The following DCUN1D5 variants were observed in gnomAD, a reference collection of about 807,000 sequenced individuals.
DCUN1D5 encodes defective in cullin neddylation 1 domain containing 5.
In DCUN1D5, 10 loss-of-function variants were observed where a neutral mutation model predicts 38.3. That is an observed-to-expected ratio of 0.26 (90% CI 0.16 to 0.44). DCUN1D5 has a LOEUF of 0.44. Among genes scored for constraint, DCUN1D5 ranks in the 20% least tolerant of loss-of-function variants. DCUN1D5 has a pLI of 1.00. For synonymous variants in DCUN1D5, 93 were observed against 90.9 expected (o/e 1.02, Z -0.13); for missense variants, 148 against 275.3 (o/e 0.54, Z 3.27).
At position 103,083,412 on chromosome 11, in the gene DCUN1D5, C is replaced by G; in HGVS notation, c.179-86G>C. 1 of 657,730 alleles carries G rather than the reference C, an allele frequency of 1.5e-6. No homozygotes were observed. Among genetic ancestry groups the G allele is most frequent in the Non-Finnish European group, 2.6e-6 (1 of 378,162 alleles). The allele number at this position is 657,730 out of a possible 1,614,324, so 40.7% of individuals were successfully genotyped here. ...CATGCTAAAGGTACCCATGAACACACCATAATATTTTGCAAATAATTAAAT... is the reference window on the plus strand; with the variant it reads ...CATGCTAAAGGTACCCATGAACACAGCATAATATTTTGCAAATAATTAAAT... On this transcript the variant is annotated intron_variant, in intron 2 of 7. Coordinates refer to ENST00000260247, the MANE Select transcript of DCUN1D5 (RefSeq NM_032299.4). The surrounding 1 kb of genome is among the most constrained non-coding windows in gnomAD (Gnocchi z 4.4).
rs1393018694 is a variant in DCUN1D5 at position 103,054,909 on chromosome 11, G to GA, written c.*7449dup. The stretch of plus-strand genomic sequence containing the variant: ...AGTAGATGGCAAACCTGTCACATAA[G>GA]AAACAACTGCATTCATTAATTGAGA... On this transcript the variant is annotated 3_prime_UTR_variant, in exon 8 of 8. Coordinates refer to ENST00000260247, the MANE Select transcript of DCUN1D5 (RefSeq NM_032299.4). 1 of 152,066 alleles carries GA rather than the reference G, an allele frequency of 6.6e-6. No homozygotes were observed. Among genetic ancestry groups the GA allele is most frequent in the East Asian group, 1.9e-4 (1 of 5,196 alleles). The allele number at this position is 152,066 out of a possible 1,614,324, so 9.4% of individuals were successfully genotyped here.
At position 103,071,560 on chromosome 11, in the gene DCUN1D5, TATATAG is replaced by T. The variant is rs1450353639; in HGVS notation, c.342-4999_342-4994del. Among the ~76,000 whole-genome samples, 3 of 149,776 alleles carry T rather than the reference TATATAG, an allele frequency of 2.0e-5. No homozygotes were observed. Among genetic ancestry groups the T allele is most frequent in the Middle Eastern group, 3.5e-3 (1 of 282 alleles). Reference sequence around the variant, plus strand: ...TATAGATATTTTATATCTATTGATTTATATAGATATAATCTATATCTATGTAAATAT... The same window carrying T: ...TATAGATATTTTATATCTATTGATTTATATAATCTATATCTATGTAAATAT... On this transcript the variant is annotated intron_variant, in intron 4 of 7. Transcript: ENST00000260247. This position sits in a 1 kb window ranked among gnomAD's most constrained non-coding sequence, Gnocchi z 4.1.
chr11:103,075,610 G>C (rs1862389363), intron 4 of DCUN1D5, among the ~76,000 whole-genome samples: 1 of 152,128 alleles, frequency 6.6e-6, no homozygotes, highest in African/African-American at 2.4e-5. Context: ...TCAAACTCTT[G>C]ACCTCATGAT....
Position 103,064,381 on chromosome 11 carries a change from C to T in DCUN1D5, c.556-4G>A, listed in dbSNP as rs1452557476. On this transcript the variant is annotated splice_polypyrimidine_tract_variant and splice_region_variant and intron_variant, in intron 6 of 7. Coordinates refer to ENST00000260247, the MANE Select transcript of DCUN1D5 (RefSeq NM_032299.4). This position sits in a 1 kb window ranked among gnomAD's most constrained non-coding sequence, Gnocchi z 4.5. ...TCATAACACGATACTTTGATTGCTG[C>T]AAAAATGATTTAAATATTTGTATTT... 6.4e-7 allele frequency: 1 copy of T among 1,573,208 alleles called. No homozygotes were observed. The highest frequency in any genetic ancestry group is 2.3e-5 in the East Asian group (1 of 44,000).
chr11:103,060,098 C>G lies in DCUN1D5; in HGVS notation c.*2261G>C, dbSNP rs1483503530. On this transcript the variant is annotated 3_prime_UTR_variant, in exon 8 of 8. Transcript: ENST00000260247. ...AACAAAGGAAAGACAGGAAGGGACA[C>G]AGCCCACACCCTGACTGATGAATTA... Among the ~76,000 whole-genome samples, 5 of 152,120 alleles carry G rather than the reference C, an allele frequency of 3.3e-5. No homozygotes were observed. Among genetic ancestry groups the G allele is most frequent in the Admixed American group, 2.0e-4 (3 of 15,270 alleles).
chr11:103,089,172 G>A lies in DCUN1D5; in HGVS notation c.178+55C>T, dbSNP rs559175327. The stretch of plus-strand genomic sequence containing the variant: ...ACAGATAATTTGTTAAATGAATAAG[G>A]CAAATAAACTTTTTAAAGCATATGA... On this transcript the variant is annotated intron_variant, in intron 2 of 7. Coordinates refer to ENST00000260247, the MANE Select transcript of DCUN1D5 (RefSeq NM_032299.4). 4.0e-5 allele frequency: 61 copies of A among 1,533,854 alleles called. No homozygotes were observed. In the South Asian group the frequency reaches 6.5e-4, roughly 16 times the overall value.
chr11:103,077,324 C>T lies in DCUN1D5; in HGVS notation c.341+5424G>A, dbSNP rs919882484. Among the ~76,000 whole-genome samples, 3 of 152,130 alleles carry T rather than the reference C, an allele frequency of 2.0e-5. No homozygotes were observed. The highest frequency in any genetic ancestry group is 4.4e-5 in the Non-Finnish European group (3 of 68,024). On this transcript the variant is annotated intron_variant, in intron 4 of 7. Coordinates refer to ENST00000260247, the MANE Select transcript of DCUN1D5 (RefSeq NM_032299.4). The surrounding 1 kb of genome is among the most constrained non-coding windows in gnomAD (Gnocchi z 4.3). ...ACTAACAGCAATACAATTTTTATAT[C>T]GAATCTAGCTCCAAAATACTAACAT...
At position 103,065,146 on chromosome 11, in the gene DCUN1D5, C is replaced by T. The variant is rs539438928; in HGVS notation, c.556-769G>A. On this transcript the variant is annotated intron_variant, in intron 6 of 7. Transcript: ENST00000260247. The surrounding 1 kb of genome is among the most constrained non-coding windows in gnomAD (Gnocchi z 4.6). Reference sequence around the variant, plus strand: ...TCATTCATGTAAGACCTTTTCATATCATTGTCTCTTTTTTTTTTTTTCTGA... The same window carrying T: ...TCATTCATGTAAGACCTTTTCATATTATTGTCTCTTTTTTTTTTTTTCTGA... 7.3e-5 allele frequency among the ~76,000 whole-genome samples: 11 copies of T among 151,066 alleles called. No individual in the cohort carries two copies. In the South Asian group the frequency reaches 1.7e-3, roughly 23 times the overall value.
At chr11:103,085,432 G>C (rs935983665) in intron 2 of DCUN1D5, among the ~76,000 whole-genome samples, 5 of 152,152 alleles carry the variant, frequency 3.3e-5, no homozygotes, top group Admixed American at 3.3e-4. Flanking sequence ...GCGAGACTCT[G>C]TCTCAAAAAA....
intron 4 of DCUN1D5, among the ~76,000 whole-genome samples, chr11:103,076,596 C>T (rs1222233967): frequency 6.6e-6 from 1 of 152,216 alleles, no homozygotes; most frequent in African/African-American, 2.4e-5. Flanking sequence ...CGTTTTCAGC[C>T]TGTTTCCTCA....
rs556614035 is a variant in DCUN1D5 at position 103,087,758 on chromosome 11, T to C, written c.178+1469A>G. Among the ~76,000 whole-genome samples, 5 of 152,362 alleles carry C rather than the reference T, an allele frequency of 3.3e-5. No individual in the cohort carries two copies. The highest frequency in any genetic ancestry group is 3.4e-3 in the Middle Eastern group (1 of 294). ...AATTCCTGGAATAATGCAATTATTA[T>C]GTTGGCTATTAAAAATGCTAATATA... is the stretch of plus-strand genomic sequence containing the variant. On this transcript the variant is annotated intron_variant, in intron 2 of 7. Transcript: ENST00000260247. This position sits in a 1 kb window ranked among gnomAD's most constrained non-coding sequence, Gnocchi z 4.1.
In DCUN1D5 at chr11:103,062,292, C is replaced by T. The variant is rs574924857; in HGVS notation, c.*67G>A. The T allele has an allele frequency of 2.7e-6, 4 of 1,462,544 alleles. No individual in the cohort carries two copies. Among genetic ancestry groups the T allele is most frequent in the Admixed American group, 1.8e-5 (1 of 55,826 alleles). The allele number at this position is 1,462,544 out of a possible 1,614,324, so 90.6% of individuals were successfully genotyped here. Reference sequence around the variant, plus strand: ...AAATGCACCCGTTGGATTTTTTTCCCCCTCATCACATTAGCTTGTATACAC... The same window carrying T: ...AAATGCACCCGTTGGATTTTTTTCCTCCTCATCACATTAGCTTGTATACAC... On this transcript the variant is annotated 3_prime_UTR_variant, in exon 8 of 8. Transcript: ENST00000260247. This position sits in a 1 kb window ranked among gnomAD's most constrained non-coding sequence, Gnocchi z 4.6.
chr11:103,087,859 T>G lies in DCUN1D5; in HGVS notation c.178+1368A>C, dbSNP rs769926021. Among the ~76,000 whole-genome samples the G allele has an allele frequency of 6.6e-6, 1 of 152,224 alleles. No homozygotes were observed. Among genetic ancestry groups the G allele is most frequent in the African/African-American group, 2.4e-5 (1 of 41,448 alleles). ...TGAGGCAAATATTTTCTATTTCTAT[T>G]GTATCTAGTAACCTTTATAAGTGAA... On this transcript the variant is annotated intron_variant, in intron 2 of 7. Transcript: ENST00000260247. This position sits in a 1 kb window ranked among gnomAD's most constrained non-coding sequence, Gnocchi z 4.1.
At position 103,076,645 on chromosome 11, in the gene DCUN1D5, A is replaced by C. The variant is rs1365578451; in HGVS notation, c.341+6103T>G. Reference sequence around the variant, plus strand: ...GATAATAATTTAATAGGACAACTATATGGCAAGTTACTTAACCTTTTTCAG... The same window carrying C: ...GATAATAATTTAATAGGACAACTATCTGGCAAGTTACTTAACCTTTTTCAG... On this transcript the variant is annotated intron_variant, in intron 4 of 7. Coordinates refer to ENST00000260247, the MANE Select transcript of DCUN1D5 (RefSeq NM_032299.4). Among the ~76,000 whole-genome samples the C allele has an allele frequency of 2.6e-5, 4 of 152,350 alleles. No individual in the cohort carries two copies. The South Asian group carries it at 8.3e-4, about 32-fold the overall frequency.
Position 103,091,142 on chromosome 11 carries a change from G to A in DCUN1D5, c.86+645C>T, listed in dbSNP as rs547152389. 4.6e-5 allele frequency among the ~76,000 whole-genome samples: 7 copies of A among 152,152 alleles called. No individual in the cohort carries two copies. The highest frequency in any genetic ancestry group is 1.0e-4 in the Non-Finnish European group (7 of 67,974). On this transcript the variant is annotated intron_variant, in intron 1 of 7. Coordinates refer to ENST00000260247, the MANE Select transcript of DCUN1D5 (RefSeq NM_032299.4). The surrounding 1 kb of genome is among the most constrained non-coding windows in gnomAD (Gnocchi z 4.3). ...GCTAACAGCGTCCTGAATGCTAGAA[G>A]ACAAAAAGCATGCAGGGCCTTTCCA...
rs1862129735 is a variant in DCUN1D5, at chr11:103,066,155, T to C, written c.555+114A>G. 2 of 599,536 alleles carry C rather than the reference T, an allele frequency of 3.3e-6. No individual in the cohort carries two copies. The highest frequency in any genetic ancestry group is 5.5e-6 in the Non-Finnish European group (2 of 364,538). The allele number at this position is 599,536 out of a possible 1,614,324, so 37.1% of individuals were successfully genotyped here. On this transcript the variant is annotated intron_variant, in intron 6 of 7. Transcript: ENST00000260247. The surrounding 1 kb of genome is among the most constrained non-coding windows in gnomAD (Gnocchi z 4.7). ...CTGATATGTACATATTTTAGAATTT[T>C]TTCTCTAAAGTTTTTTTAAAGCATA...
In DCUN1D5 at chr11:103,086,707, T is replaced by A. The variant is rs1009462099; in HGVS notation, c.178+2520A>T. Among the ~76,000 whole-genome samples, 2 of 152,110 alleles carry A rather than the reference T, an allele frequency of 1.3e-5. No individual in the cohort carries two copies. Among genetic ancestry groups the A allele is most frequent in the Non-Finnish European group, 2.9e-5 (2 of 68,018 alleles). Reference sequence around the variant, plus strand: ...TGTCTGACTTGCTCAGCACTATATATCCAGCACTCAGCACAGTGCCTGACT... The same window carrying A: ...TGTCTGACTTGCTCAGCACTATATAACCAGCACTCAGCACAGTGCCTGACT... On this transcript the variant is annotated intron_variant, in intron 2 of 7. Coordinates refer to ENST00000260247, the MANE Select transcript of DCUN1D5 (RefSeq NM_032299.4). This position sits in a 1 kb window ranked among gnomAD's most constrained non-coding sequence, Gnocchi z 4.1.
At position 103,091,808 on chromosome 11, in the gene DCUN1D5, A is replaced by T. The variant is rs767169788; in HGVS notation, c.65T>A (p.Leu22His). ...GTACCTGGAGATTTTACACTTTTTG[A>T]GGCCTCCGTCTTCCGCTACTGCTGC... ...VAAAVAEDGG[L>H]KKCKISSYCR... The change falls in exon 1 of 8, where the codon CTC (leucine) becomes CAC (histidine). Residue 22 changes from leucine to histidine, a missense_variant. Physicochemically the swap from Leu to His is moderately conservative, Grantham distance 99 (BLOSUM62 -3). Coordinates refer to ENST00000260247, the MANE Select transcript of DCUN1D5 (RefSeq NM_032299.4). This position sits in a 1 kb window ranked among gnomAD's most constrained non-coding sequence, Gnocchi z 4.3. 6.2e-7 allele frequency: 1 copy of T among 1,614,018 alleles called. No individual in the cohort carries two copies. Among genetic ancestry groups the T allele is most frequent in the South Asian group, 1.1e-5 (1 of 91,080 alleles).
In DCUN1D5 at chr11:103,077,499, CACAAT is replaced by C. The variant is rs540560619; in HGVS notation, c.341+5244_341+5248del. Among the ~76,000 whole-genome samples the C allele has an allele frequency of 3.5e-3, 537 of 152,228 alleles. 2 individuals carry two copies. The highest frequency in any genetic ancestry group is 6.6e-3 in the South Asian group (32 of 4,820). Reference sequence around the variant, plus strand: ...CCACACAGATTTGAGGGAACACTGGCACAATACAATACACCATTCTCCAAGGCCAC... The same window carrying C: ...CCACACAGATTTGAGGGAACACTGGCACAATACACCATTCTCCAAGGCCAC... On this transcript the variant is annotated intron_variant, in intron 4 of 7. Transcript: ENST00000260247. The surrounding 1 kb of genome is among the most constrained non-coding windows in gnomAD (Gnocchi z 4.3).
Sources: allele counts gnomAD v4.1 joint callset (sites outside exome capture counted in the v4.1 genomes callset), GRCh38; gene constraint gnomAD v4.1.1; non-coding constraint Gnocchi (gnomAD v3.1); transcripts MANE v1.5; gene names NCBI Gene and HGNC (gene_info 2026-07-23, HGNC 2026-07-21).